HDAC8: variants seen among roughly 807,000 people sequenced by gnomAD.
HDAC8 encodes histone deacetylase 8.
A neutral mutation model predicts 32.2 loss-of-function variants in HDAC8; 1 was observed. The ratio of observed to expected loss-of-function variants is 0.03; its 90% CI spans 0.01 to 0.15. HDAC8 has a LOEUF of 0.15. HDAC8 is among the 10% of genes least tolerant of loss of function. The pLI is 1.00. For synonymous variants in HDAC8, 108 were observed against 113.9 expected, an observed-to-expected ratio of 0.95 and a Z score of 0.33; for missense variants, 117 against 300.0, an observed-to-expected ratio of 0.39 and a Z score of 4.51.
At chrX:72,375,334 C>G (rs1317543719) in intron 9 of HDAC8, among the ~76,000 whole-genome samples, 6 of 112,001 alleles carry the variant, frequency 5.4e-5, no homozygotes. Flanking sequence ...GAGGAACTGG[C>G]TCATGCACTT....
intron 5 of HDAC8, among the ~76,000 whole-genome samples, chrX:72,494,381 C>T (rs1454569983): frequency 9.1e-6 from 1 of 110,398 alleles, no homozygotes; most frequent in Non-Finnish European, 1.9e-5. Context: ...AAAAAAAATC[C>T]CTGGAAACAG....
chrX:72,382,750 A>G (rs371122583), intron 9 of HDAC8, among the ~76,000 whole-genome samples: 3 of 111,565 alleles, frequency 2.7e-5, no homozygotes, highest in African/African-American at 9.8e-5. Flanking sequence ...GAGGAGATTG[A>G]TTGCTAGTGA....
At chrX:72,489,372 T>G (rs1195765621) in intron 6 of HDAC8, 23 of 255,374 alleles carry the variant, frequency 9.0e-5, no homozygotes, top group Non-Finnish European at 1.5e-4. Context: ...TAAGCATAAG[T>G]GATCTGTTAA....
chrX:72,334,837 C>G (rs2043635036), intron 10 of HDAC8, among the ~76,000 whole-genome samples: 1 of 111,694 alleles, frequency 9.0e-6, no homozygotes, highest in Admixed American at 9.5e-5. Flanking sequence ...TACTGTTACT[C>G]TAGCTCTGAT....
intron 9 of HDAC8, among the ~76,000 whole-genome samples, chrX:72,424,027 G>A (rs1339267987): frequency 8.9e-6 from 1 of 112,142 alleles, no homozygotes; most frequent in African/African-American, 3.2e-5. Context: ...ACCTTGGCAT[G>A]TCTGAAAATA....
chrX:72,471,889 G>A (rs1416518963), intron 7 of HDAC8, among the ~76,000 whole-genome samples: 2 of 110,654 alleles, frequency 1.8e-5, no homozygotes, highest in Non-Finnish European at 3.8e-5. Context: ...TTTTGCTTAT[G>A]TTTTTGGTGT....
At chrX:72,398,556 A>G (rs2045821796) in intron 9 of HDAC8, among the ~76,000 whole-genome samples, 1 of 107,363 alleles carries the variant, frequency 9.3e-6, no homozygotes, top group Admixed American at 1.0e-4. Flanking sequence ...GTTGGTCTCA[A>G]ACTCTTGGCC....
At chrX:72,393,700 T>C (rs1410088343) in intron 9 of HDAC8, among the ~76,000 whole-genome samples, 1 of 111,020 alleles carries the variant, frequency 9.0e-6, no homozygotes, top group Non-Finnish European at 1.9e-5. Context: ...AGGGAAGGAA[T>C]GTAACACCCC....
chrX:72,517,005 C>G (rs62613001), intron 4 of HDAC8, among the ~76,000 whole-genome samples: 4,361 of 111,907 alleles, frequency 0.039, 107 homozygotes, highest in Non-Finnish European at 0.055. Context: ...TGAGGAACTG[C>G]CAAACTGCTT....
intron 9 of HDAC8, among the ~76,000 whole-genome samples, chrX:72,364,988 G>A (rs1445042809): frequency 8.9e-6 from 1 of 111,969 alleles, no homozygotes; most frequent in Non-Finnish European, 1.9e-5. Context: ...CCCAAGACTG[G>A]CATTATCTCT....
intron 4 of HDAC8, among the ~76,000 whole-genome samples, chrX:72,540,269 C>G (rs2050661003): frequency 8.9e-6 from 1 of 112,333 alleles, no homozygotes; most frequent in East Asian, 2.8e-4. Context: ...ATTAGCAAAA[C>G]AAATTTCAAG....
intron 4 of HDAC8, among the ~76,000 whole-genome samples, chrX:72,535,771 G>A (rs945759826): frequency 9.0e-6 from 1 of 111,521 alleles, no homozygotes; most frequent in Non-Finnish European, 1.9e-5. Flanking sequence ...AGGTAAATCC[G>A]GTCATAGGGA....
chrX:72,357,569 G>C (rs1346091777), intron 9 of HDAC8, among the ~76,000 whole-genome samples: 1 of 111,117 alleles, frequency 9.0e-6, no homozygotes, highest in Non-Finnish European at 1.9e-5. Context: ...GGTGTCTTCT[G>C]ATTTGTCCAT....
chrX:72,546,907 T>C (rs1289784122), intron 4 of HDAC8, among the ~76,000 whole-genome samples: 2 of 111,508 alleles, frequency 1.8e-5, no homozygotes, highest in Non-Finnish European at 3.8e-5. Flanking sequence ...GCTCCATCTC[T>C]TATCTTTTTC....
intron 9 of HDAC8, among the ~76,000 whole-genome samples, chrX:72,363,208 T>C (rs1276573991): frequency 8.9e-6 from 1 of 112,425 alleles, no homozygotes; most frequent in African/African-American, 3.2e-5. Context: ...TCCTTCTTCA[T>C]ACTGTGTGCA....
intron 9 of HDAC8, among the ~76,000 whole-genome samples, chrX:72,386,162 G>A: frequency 8.9e-6 from 1 of 112,216 alleles, no homozygotes; most frequent in Middle Eastern, 4.6e-3. Flanking sequence ...ATGTATGTGG[G>A]TAGATCTTAG....
In HDAC8 at chrX:72,464,552, T is replaced by TA. The variant is rs1555993089; in HGVS notation, c.910+6dup. ...AACAAATTCTGGTAACCTTCCTTTA[T>TA]ACTCACCTCCTCCCAAAATGAGTGT... is the stretch of plus-strand genomic sequence containing the variant. On this transcript the variant is annotated splice_region_variant and intron_variant, in intron 8 of 10. Coordinates refer to ENST00000373573, the MANE Select transcript of HDAC8 (RefSeq NM_018486.3). 2 of 1,198,417 alleles carry TA rather than the reference T, an allele frequency of 1.7e-6. No homozygotes were observed. The highest frequency in any genetic ancestry group is 2.3e-6 in the Non-Finnish European group (2 of 883,416).
chrX:72,535,211 G>A (rs2050483538), intron 4 of HDAC8, among the ~76,000 whole-genome samples: 1 of 111,796 alleles, frequency 8.9e-6, no homozygotes, highest in African/African-American at 3.3e-5. Context: ...ATTAAATGAT[G>A]CTATTTGTAC....
intron 4 of HDAC8, among the ~76,000 whole-genome samples, chrX:72,503,867 C>T (rs1445907898): frequency 1.8e-5 from 2 of 112,130 alleles, no homozygotes; most frequent in Non-Finnish European, 3.8e-5. Context: ...AGCCTGGTAC[C>T]TGACTTACAG....
Sources: allele counts gnomAD v4.1 joint callset (sites outside exome capture counted in the v4.1 genomes callset), GRCh38; gene constraint gnomAD v4.1.1; transcripts MANE v1.5; gene names NCBI Gene and HGNC (gene_info 2026-07-23, HGNC 2026-07-21).